Variants in LYPLAL1 observed in about 807,000 individuals in gnomAD.
LYPLAL1 encodes lysophospholipase like 1, also known as lysophospholipase-like protein 1.
A neutral mutation model predicts 19.7 loss-of-function variants in LYPLAL1; 23 were observed. The ratio of observed to expected loss-of-function variants is 1.17; its 90% CI spans 0.84 to 1.65. LYPLAL1 has a LOEUF of 1.65. LYPLAL1 is among the 40% of genes most tolerant of loss of function. The probability of loss-of-function intolerance (pLI) is 0.00; values close to 1 mark genes in which losing one functional copy is unlikely to be tolerated. For missense variants in LYPLAL1, 355 were observed against 279.4 expected, an observed-to-expected ratio of 1.27 and a Z score of -1.93; for synonymous variants, 119 against 96.3, an observed-to-expected ratio of 1.24 and a Z score of -1.38.
chr1:219,360,088 T>C, the LYPLAL1 span, among the ~76,000 whole-genome samples: 1 of 152,198 alleles, frequency 6.6e-6, no homozygotes, highest in African/African-American at 2.4e-5. Context: ...ATTATCAACC[T>C]GTCTCTCCAC....
the LYPLAL1 span, among the ~76,000 whole-genome samples, chr1:219,403,134 C>CTA: frequency 6.6e-6 from 1 of 152,148 alleles, no homozygotes; most frequent in Non-Finnish European, 1.5e-5. Context: ...GTCAGAAAGA[C>CTA]CTGGAAAGCA....
At chr1:219,188,434 CT>C (rs1490390817) in intron 2 of LYPLAL1, among the ~76,000 whole-genome samples, 1 of 151,576 alleles carries the variant, frequency 6.6e-6, no homozygotes, top group East Asian at 1.9e-4. Context: ...GCAAAGAGCC[CT>C]CTAAGTAGTG....
chr1:219,396,177 A>G, the LYPLAL1 span, among the ~76,000 whole-genome samples: 1 of 150,754 alleles, frequency 6.6e-6, no homozygotes, highest in Non-Finnish European at 1.5e-5. Context: ...AGCATCATTT[A>G]TTGAATAAGG....
At chr1:219,431,418 A>C in the LYPLAL1 span, among the ~76,000 whole-genome samples, 4 of 152,176 alleles carry the variant, frequency 2.6e-5, no homozygotes, top group Non-Finnish European at 5.9e-5. Flanking sequence ...CTGTCTGCTG[A>C]GGTGGAGCAT....
chr1:219,238,231 G>A, the LYPLAL1 span, among the ~76,000 whole-genome samples: 163 of 144,962 alleles, frequency 1.1e-3, no homozygotes, highest in Middle Eastern at 0.012. Context: ...TCCACCTCCC[G>A]GGTTCACGCC....
the LYPLAL1 span, among the ~76,000 whole-genome samples, chr1:219,388,441 A>G: frequency 6.6e-6 from 1 of 152,100 alleles, no homozygotes; most frequent in Admixed American, 6.6e-5. Flanking sequence ...TCTGGAGTTT[A>G]TGTGTTTTCA....
chr1:219,344,748 T>G, the LYPLAL1 span, among the ~76,000 whole-genome samples: 1 of 152,208 alleles, frequency 6.6e-6, no homozygotes, highest in East Asian at 1.9e-4. Context: ...TGATTGGAGT[T>G]CTCCTTGACT....
intron 3 of LYPLAL1, chr1:219,200,237 A>G (rs949650016): frequency 4.0e-6 from 1 of 252,654 alleles, no homozygotes; most frequent in Non-Finnish European, 8.1e-6. Flanking sequence ...GAGCCAAGAA[A>G]ACAGCTTTAC....
intron 2 of LYPLAL1, among the ~76,000 whole-genome samples, chr1:219,188,817 TGAG>T (rs1481097216): frequency 7.2e-5 from 11 of 151,728 alleles, no homozygotes; most frequent in Admixed American, 7.2e-4. Flanking sequence ...TGGTAATGTC[TGAG>T]GAGTTTTATA....
the LYPLAL1 span, among the ~76,000 whole-genome samples, chr1:219,332,982 G>A: frequency 3.9e-5 from 6 of 151,934 alleles, no homozygotes; most frequent in African/African-American, 1.2e-4. Flanking sequence ...ACTAAGAGCT[G>A]TTCCCCACTT....
the LYPLAL1 span, among the ~76,000 whole-genome samples, chr1:219,257,057 G>A: frequency 1.3e-5 from 2 of 151,848 alleles, no homozygotes. Context: ...ATGCCAATTG[G>A]ATCATGTTTC....
chr1:219,352,312 C>T, the LYPLAL1 span, among the ~76,000 whole-genome samples: 2 of 152,064 alleles, frequency 1.3e-5, no homozygotes, highest in African/African-American at 2.4e-5. Context: ...GAGAGGATCA[C>T]GAGGTCAGGA....
the LYPLAL1 span, among the ~76,000 whole-genome samples, chr1:219,309,669 T>TAAGAAA: frequency 6.6e-6 from 1 of 152,204 alleles, no homozygotes; most frequent in Non-Finnish European, 1.5e-5. Flanking sequence ...TCATTTTCTG[T>TAAGAAA]CGCCTTCACC....
chr1:219,299,409 T>C, the LYPLAL1 span, among the ~76,000 whole-genome samples: 1 of 152,164 alleles, frequency 6.6e-6, no homozygotes, highest in Non-Finnish European at 1.5e-5. Flanking sequence ...GAAGGTATCA[T>C]ATGAAATAAC....
At chr1:219,226,158 C>T in the LYPLAL1 span, among the ~76,000 whole-genome samples, 1 of 152,138 alleles carries the variant, frequency 6.6e-6, no homozygotes, top group East Asian at 1.9e-4. Flanking sequence ...CTATCTATCC[C>T]TTTATCTTTT....
intron 3 of LYPLAL1, among the ~76,000 whole-genome samples, chr1:219,196,425 G>A (rs560358812): frequency 2.0e-5 from 3 of 152,118 alleles, no homozygotes; most frequent in African/African-American, 7.2e-5. Context: ...ATTTTGATTT[G>A]CAGCTCTCTA....
At chr1:219,271,369 T>C in the LYPLAL1 span, 3 of 149,058 alleles carry the variant, frequency 2.0e-5, no homozygotes, top group Admixed American at 2.1e-4. Flanking sequence ...CACTGATTCA[T>C]GCTGGTTGAA....
chr1:219,343,867 CTT>C, the LYPLAL1 span, among the ~76,000 whole-genome samples: 1 of 151,538 alleles, frequency 6.6e-6, no homozygotes, highest in South Asian at 2.1e-4. Flanking sequence ...CCAACCATTC[CTT>C]TTTTTTTCTT....
chr1:219,174,634 C>G (rs1389237731), intron 1 of LYPLAL1, among the ~76,000 whole-genome samples: 1 of 152,166 alleles, frequency 6.6e-6, no homozygotes, highest in Non-Finnish European at 1.5e-5. Flanking sequence ...GTAACGTGTG[C>G]TTAATGCTGT....
Sources: allele counts gnomAD v4.1 joint callset (sites outside exome capture counted in the v4.1 genomes callset), GRCh38; gene constraint gnomAD v4.1.1; transcripts MANE v1.5; gene names NCBI Gene and HGNC (gene_info 2026-07-23, HGNC 2026-07-21).